Variants in SLC4A4 observed in about 807,000 individuals in gnomAD.
SLC4A4 encodes electrogenic sodium bicarbonate cotransporter 1.
In SLC4A4, 27 loss-of-function variants were observed where a neutral mutation model predicts 111.5. That is an observed-to-expected ratio of 0.24 (90% confidence interval 0.18 to 0.33). The LOEUF (loss-of-function observed/expected upper bound fraction) is 0.33. Among genes scored for constraint, SLC4A4 ranks in the 10% least tolerant of loss-of-function variants. SLC4A4 has a pLI of 1.00. For synonymous variants in SLC4A4, 443 were observed against 463.4 expected (o/e 0.96, Z 0.57); for missense variants, 909 against 1,315.5 (o/e 0.69, Z 4.78).
intron 7 of SLC4A4, among the ~76,000 whole-genome samples, chr4:71,422,513 A>C (rs921314361): frequency 2.0e-5 from 3 of 152,188 alleles, no homozygotes; most frequent in Non-Finnish European, 4.4e-5. Context: ...CTGATACCAA[A>C]GTTGGGCAGA....
intron 1 of SLC4A4, among the ~76,000 whole-genome samples, chr4:71,204,844 T>C (rs1257685879): frequency 2.0e-5 from 3 of 152,158 alleles, no homozygotes; most frequent in African/African-American, 7.2e-5. Context: ...ATGACATATA[T>C]TGAGGATGAA....
rs577760830 is a variant in SLC4A4 at position 71,169,554 on chromosome 4, GT to G, written c.-1-67016del. 3.4e-3 allele frequency among the ~76,000 whole-genome samples: 514 copies of G among 152,208 alleles called. 4 individuals are homozygous for G. Among genetic ancestry groups the G allele is most frequent in the African/African-American group, 0.012 (501 of 41,528 alleles). On this transcript the variant is annotated intron_variant, in intron 2 of 26. Transcript: ENST00000649996. The stretch of plus-strand genomic sequence containing the variant: ...CCCATTTTTAAATTGGATTACTTGA[GT>G]TTTTTCCTTATAGAGTTGTTTGAGC...
intron 7 of SLC4A4, among the ~76,000 whole-genome samples, chr4:71,427,174 TTTTA>T (rs1723220644): frequency 6.6e-6 from 1 of 152,066 alleles, no homozygotes. Context: ...AATCTCTAGT[TTTTA>T]TTTTCTTCTT....
intron 12 of SLC4A4, among the ~76,000 whole-genome samples, chr4:71,464,733 T>C (rs1727156454): frequency 6.6e-6 from 1 of 152,130 alleles, no homozygotes. Context: ...GATTTTTGTT[T>C]GTTTTCTGAA....
At chr4:71,108,271 T>C (rs1578487605) in intron 2 of SLC4A4, among the ~76,000 whole-genome samples, 1 of 152,254 alleles carries the variant, frequency 6.6e-6, no homozygotes, top group African/African-American at 2.4e-5. Flanking sequence ...GGCTTCCAAC[T>C]ACTGTCTAAT....
intron 1 of SLC4A4, among the ~76,000 whole-genome samples, chr4:71,197,712 A>G (rs1447996164): frequency 6.6e-6 from 1 of 152,226 alleles, no homozygotes; most frequent in Non-Finnish European, 1.5e-5. Flanking sequence ...GTACCCTAGA[A>G]CTTAAAGTAT....
intron 7 of SLC4A4, among the ~76,000 whole-genome samples, chr4:71,427,265 C>A (rs905669342): frequency 6.6e-6 from 1 of 151,830 alleles, no homozygotes; most frequent in African/African-American, 2.4e-5. Context: ...TTTAGCTTTT[C>A]TTTTTTTGTA....
intron 7 of SLC4A4, among the ~76,000 whole-genome samples, chr4:71,419,822 C>A (rs1273909716): frequency 6.6e-6 from 1 of 152,180 alleles, no homozygotes; most frequent in African/African-American, 2.4e-5. Flanking sequence ...GGAGCTGTTC[C>A]TATTCGGCCA....
intron 1 of SLC4A4, among the ~76,000 whole-genome samples, chr4:71,074,603 G>C (rs983183677): frequency 2.7e-5 from 4 of 150,126 alleles, no homozygotes; most frequent in Admixed American, 1.3e-4. Flanking sequence ...GGAGGGAGGA[G>C]GAAGGAAAGA....
chr4:71,187,228 G>A (rs1410768926), upstream of SLC4A4: 1 of 151,814 alleles, frequency 6.6e-6, no homozygotes, highest in East Asian at 1.9e-4. Flanking sequence ...CGCGCCTCCA[G>A]GGATTCCGCG....
chr4:71,355,586 C>T (rs1255849936), intron 5 of SLC4A4, among the ~76,000 whole-genome samples: 1 of 152,204 alleles, frequency 6.6e-6, no homozygotes, highest in African/African-American at 2.4e-5. Flanking sequence ...ACAGTTATGG[C>T]ACCTCTGTGA....
In SLC4A4 at chr4:71,423,585, A is replaced by G. The variant is rs967192036; in HGVS notation, c.808-17031A>G. 1.4e-4 allele frequency among the ~76,000 whole-genome samples: 21 copies of G among 152,282 alleles called. No individual in the cohort carries two copies. In the East Asian group the frequency reaches 3.7e-3, roughly 27 times the overall value. ...TGGAGGCATCACACTACCTGACTTC[A>G]AACTATACTACAAGGCTACAGTAAC... On this transcript the variant is annotated intron_variant, in intron 7 of 25. Coordinates refer to ENST00000264485, the MANE Select transcript of SLC4A4 (RefSeq NM_001098484.3).
At chr4:71,325,204 A>G (rs933754827) in intron 3 of SLC4A4, among the ~76,000 whole-genome samples, 1 of 151,858 alleles carries the variant, frequency 6.6e-6, no homozygotes, top group Non-Finnish European at 1.5e-5. Flanking sequence ...AAGAAAATCT[A>G]GGTAACTTGT....
At chr4:71,565,120 T>C (rs1056348850) in intron 24 of SLC4A4, among the ~76,000 whole-genome samples, 10 of 151,858 alleles carry the variant, frequency 6.6e-5, no homozygotes, top group Non-Finnish European at 1.5e-4. Flanking sequence ...TACAAAATTT[T>C]TGGGAGTTTA....
At chr4:71,507,101 A>C (rs72650388) in intron 16 of SLC4A4, among the ~76,000 whole-genome samples, 112 of 152,326 alleles carry the variant, frequency 7.4e-4, no homozygotes, top group Non-Finnish European at 1.4e-3. Context: ...GAAGCACTAA[A>C]TATGGAAAGG....
intron 3 of SLC4A4, among the ~76,000 whole-genome samples, chr4:71,287,745 G>A (rs1724032120): frequency 6.6e-6 from 1 of 152,170 alleles, no homozygotes; most frequent in Admixed American, 6.5e-5. Flanking sequence ...GGTTCTGGTT[G>A]TAGTCCAGTG....
chr4:71,345,520 A>G (rs962114139), intron 4 of SLC4A4, among the ~76,000 whole-genome samples: 45 of 152,260 alleles, frequency 3.0e-4, no homozygotes, highest in Middle Eastern at 3.4e-3. Flanking sequence ...ACAAGTTTCA[A>G]CAAACACAAG....
At chr4:71,433,477 C>T (rs1723828473) in intron 7 of SLC4A4, among the ~76,000 whole-genome samples, 1 of 151,522 alleles carries the variant, frequency 6.6e-6, no homozygotes, top group African/African-American at 2.4e-5. Flanking sequence ...TAATATCTGC[C>T]ATAAAAAAAA....
chr4:71,510,421 C>T (rs146571229), intron 16 of SLC4A4, among the ~76,000 whole-genome samples: 5 of 152,252 alleles, frequency 3.3e-5, no homozygotes, highest in East Asian at 1.9e-4. Context: ...CAATTCTAGT[C>T]GGCCATCTTA....
Sources: allele counts gnomAD v4.1 joint callset (sites outside exome capture counted in the v4.1 genomes callset), GRCh38; gene constraint gnomAD v4.1.1; transcripts MANE v1.5; gene names NCBI Gene and HGNC (gene_info 2026-07-23, HGNC 2026-07-21).